The following CHCHD6 variants were observed in gnomAD, a reference collection of about 807,000 sequenced individuals.
The protein encoded by CHCHD6 is coiled-coil-helix-coiled-coil-helix domain containing 6.
Under a neutral mutation model 32.3 loss-of-function variants are expected in CHCHD6, and 28 were observed. The ratio of observed to expected loss-of-function variants is 0.87; its 90% confidence interval spans 0.64 to 1.19. The LOEUF (loss-of-function observed/expected upper bound fraction) is 1.19, where lower values mean the gene tolerates loss of function less well. Ranked by LOEUF, CHCHD6 falls within the 50% of genes most tolerant of loss-of-function variation. The pLI, the probability that CHCHD6 is intolerant of heterozygous loss-of-function variation, is 0.00. For missense variants in CHCHD6, 333 were observed against 307.0 expected, an observed-to-expected ratio of 1.08 and a Z score of -0.63; for synonymous variants, 122 against 117.5, an observed-to-expected ratio of 1.04 and a Z score of -0.25.
At chr3:126,859,001 T>G (rs539079063) in intron 5 of CHCHD6, among the ~76,000 whole-genome samples, 1 of 152,356 alleles carries the variant, frequency 6.6e-6, no homozygotes, top group South Asian at 2.1e-4. Context: ...ACACTCTGTC[T>G]TGTTAGCGCC....
At chr3:126,777,494 T>C (rs554015170) in intron 4 of CHCHD6, among the ~76,000 whole-genome samples, 42 of 152,314 alleles carry the variant, frequency 2.8e-4, no homozygotes, top group Admixed American at 1.4e-3. Flanking sequence ...ATCTTCAACA[T>C]TGGATGAGCT....
Position 126,733,120 on chromosome 3 carries a change from G to C in CHCHD6, c.309G>C (p.Gln103His), listed in dbSNP as rs142231019. The C allele has an allele frequency of 6.2e-7, 1 of 1,614,208 alleles. No individual in the cohort carries two copies. The highest frequency in any genetic ancestry group is 8.5e-7 in the Non-Finnish European group (1 of 1,180,040). The change falls in exon 4 of 8, where the codon CAG becomes CAC. Residue 103 changes from glutamine (Q) to histidine (H), a missense_variant. Transcript: ENST00000290913. ...CTGCTATCCAGGATAAGCTCTTCCAGGTGGCAAAGAGGGAAAGAGAGGCTG... is the reference window on the plus strand; with the variant it reads ...CTGCTATCCAGGATAAGCTCTTCCACGTGGCAAAGAGGGAAAGAGAGGCTG... Reference protein sequence around the residue: ...EHAAIQDKLFQVAKREREAAT... With the variant: ...EHAAIQDKLFHVAKREREAAT...
intron 4 of CHCHD6, among the ~76,000 whole-genome samples, chr3:126,805,834 G>A (rs967654770): frequency 2.0e-5 from 3 of 152,100 alleles, no homozygotes; most frequent in African/African-American, 7.2e-5. Context: ...AAACAGCATG[G>A]TACTGGTACC....
intron 6 of CHCHD6, among the ~76,000 whole-genome samples, chr3:126,945,605 C>T (rs1428316970): frequency 2.3e-5 from 1 of 44,116 alleles, no homozygotes; most frequent in African/African-American, 1.0e-4. Context: ...GGGGGAGACT[C>T]GGTGTGGGGG....
chr3:126,903,042 T>A (rs889754858), intron 5 of CHCHD6, among the ~76,000 whole-genome samples: 1 of 152,298 alleles, frequency 6.6e-6, no homozygotes, highest in East Asian at 1.9e-4. Flanking sequence ...AGCTGCCTGC[T>A]TGGGAGCAAG....
chr3:126,787,981 T>C (rs1054330128), intron 4 of CHCHD6, among the ~76,000 whole-genome samples: 14 of 152,208 alleles, frequency 9.2e-5, no homozygotes, highest in East Asian at 1.9e-4. Flanking sequence ...ATATCTCTTA[T>C]TATTTTGAGA....
At chr3:126,760,044 A>G (rs1249254959) in intron 4 of CHCHD6, among the ~76,000 whole-genome samples, 2 of 152,108 alleles carry the variant, frequency 1.3e-5, no homozygotes, top group African/African-American at 4.8e-5. Flanking sequence ...ATCTCTTGAA[A>G]ACTTGCTCAC....
intron 4 of CHCHD6, among the ~76,000 whole-genome samples, chr3:126,758,566 C>T (rs1451531837): frequency 3.9e-5 from 6 of 152,174 alleles, no homozygotes; most frequent in East Asian, 1.9e-4. Context: ...TCTCACTAAG[C>T]GGCTGACTTT....
intron 5 of CHCHD6, among the ~76,000 whole-genome samples, chr3:126,858,308 G>A (rs954116387): frequency 1.3e-4 from 19 of 148,240 alleles, no homozygotes; most frequent in African/African-American, 2.5e-4. Flanking sequence ...GGGCGGGGGC[G>A]GGGGGGAGGG....
chr3:126,952,839 C>G (rs1473420527), intron 6 of CHCHD6, among the ~76,000 whole-genome samples: 1 of 152,160 alleles, frequency 6.6e-6, no homozygotes, highest in Non-Finnish European at 1.5e-5. Context: ...CCTCTGGACT[C>G]TGCTGTGTCT....
At chr3:126,938,621 C>T (rs757210277) in intron 6 of CHCHD6, among the ~76,000 whole-genome samples, 1 of 152,208 alleles carries the variant, frequency 6.6e-6, no homozygotes, top group Non-Finnish European at 1.5e-5. Context: ...AATGAAATGC[C>T]TCTCATAACA....
intron 6 of CHCHD6, among the ~76,000 whole-genome samples, chr3:126,953,624 C>A (rs1410033423): frequency 6.6e-6 from 1 of 152,186 alleles, no homozygotes; most frequent in Non-Finnish European, 1.5e-5. Context: ...GTTACTGTTC[C>A]CATTGTACCA....
intron 1 of CHCHD6, among the ~76,000 whole-genome samples, chr3:126,709,890 G>A (rs1248405977): frequency 1.3e-5 from 2 of 152,092 alleles, no homozygotes; most frequent in Non-Finnish European, 2.9e-5. Flanking sequence ...GTGTGTGTAG[G>A]TTATATGCAA....
chr3:126,832,738 A>G (rs191064215), intron 4 of CHCHD6, among the ~76,000 whole-genome samples: 1 of 152,148 alleles, frequency 6.6e-6, no homozygotes, highest in East Asian at 1.9e-4. Flanking sequence ...TGGAAACAGG[A>G]CTCAAGTAAT....
At chr3:126,751,225 T>C (rs1362591757) in intron 4 of CHCHD6, among the ~76,000 whole-genome samples, 2 of 151,882 alleles carry the variant, frequency 1.3e-5, no homozygotes, top group African/African-American at 4.8e-5. Flanking sequence ...TTTGCCACCA[T>C]GTGTGGTAGC....
intron 4 of CHCHD6, among the ~76,000 whole-genome samples, chr3:126,734,158 C>G (rs1281222128): frequency 6.6e-6 from 1 of 152,186 alleles, no homozygotes; most frequent in Non-Finnish European, 1.5e-5. Flanking sequence ...ACCAGGTGCC[C>G]ATGGCTAAGC....
intron 6 of CHCHD6, among the ~76,000 whole-genome samples, chr3:126,940,412 G>C (rs1235677764): frequency 1.3e-5 from 2 of 152,066 alleles, no homozygotes; most frequent in African/African-American, 4.8e-5. Context: ...TATTATTCTT[G>C]TATATGGTTA....
chr3:126,710,490 A>G (rs946454225), intron 1 of CHCHD6, among the ~76,000 whole-genome samples: 7 of 152,212 alleles, frequency 4.6e-5, no homozygotes, highest in Non-Finnish European at 1.5e-5. Context: ...AGGGATTTTG[A>G]TAGGATTTCT....
At chr3:126,757,758 G>C (rs916631056) in intron 4 of CHCHD6, among the ~76,000 whole-genome samples, 1 of 152,164 alleles carries the variant, frequency 6.6e-6, no homozygotes, top group Non-Finnish European at 1.5e-5. Context: ...GGATTGGTGA[G>C]CACCTACGTA....
Sources: gnomAD v4.1 joint callset for allele counts (sites outside exome capture counted in the v4.1 genomes callset) on GRCh38, gnomAD v4.1.1 for gene constraint, MANE v1.5 for transcripts, NCBI Gene and HGNC (gene_info 2026-07-23, HGNC 2026-07-21) for gene names.